SLC22A3: variants seen among roughly 807,000 people sequenced by gnomAD.
The protein encoded by SLC22A3 is solute carrier family 22 member 3.
In SLC22A3, 51 loss-of-function variants were observed where a neutral mutation model predicts 59.1. That is an observed-to-expected ratio of 0.86 (90% CI 0.69 to 1.09). The LOEUF is 1.09. Ranked by LOEUF, SLC22A3 falls within the 50% of genes least tolerant of loss-of-function variation. SLC22A3 has a pLI of 0.00. For missense variants in SLC22A3, 711 were observed against 726.3 expected (o/e 0.98, Z 0.24); for synonymous variants, 325 against 292.0 (o/e 1.11, Z -1.15).
chr6:160,407,223 A>G (rs1206544420), intron 3 of SLC22A3, 28 bp downstream of exon 3: 2 of 1,571,514 alleles, frequency 1.3e-6, no homozygotes, highest in Middle Eastern at 1.7e-4. Context: ...CATCTTCTCT[A>G]TTTGGAAACT....
At position 160,441,938 on chromosome 6, in the gene SLC22A3, T is replaced by A. The variant is rs143290205; in HGVS notation, c.1289-823T>A. ...TCAATTGCACAACTTCTAGGAAAGCTAGAGCAGTGACTTTTTAGAGTAAAA... is the reference window on the plus strand; with the variant it reads ...TCAATTGCACAACTTCTAGGAAAGCAAGAGCAGTGACTTTTTAGAGTAAAA... On this transcript the variant is annotated intron_variant, in intron 7 of 10. Coordinates refer to ENST00000275300, the MANE Select transcript of SLC22A3 (RefSeq NM_021977.4). Among the ~76,000 whole-genome samples, 1,046 of 152,316 alleles carry A rather than the reference T, an allele frequency of 6.9e-3. 16 individuals carry two copies. The highest frequency in any genetic ancestry group is 0.024 in the African/African-American group (1,009 of 41,578).
chr6:160,359,681 T>C (rs1719685401), intron 1 of SLC22A3, among the ~76,000 whole-genome samples: 1 of 152,234 alleles, frequency 6.6e-6, no homozygotes, highest in South Asian at 2.1e-4. Flanking sequence ...GCCTTCTGGA[T>C]TTGATACATC....
rs1309816125 is a variant in SLC22A3 at position 160,348,819 on chromosome 6, G to A, written c.400G>A (p.Ala134Thr). 1.3e-6 allele frequency: 2 copies of A among 1,581,748 alleles called. No homozygotes were observed. Among genetic ancestry groups the A allele is most frequent in the South Asian group, 1.1e-5 (1 of 87,946 alleles). ...GCCGTGCCGCGGCGGCTGGCGCTAC[G>A]CCCAGGCCCACTCCACCATCGTCAG... is the stretch of plus-strand genomic sequence containing the variant. ...LVPCRGGWRY[A>T]QAHSTIVSEF... The change falls in exon 1 of 11, where the codon GCC (alanine) becomes ACC (threonine). Residue 134 changes from alanine to threonine, a missense_variant. Coordinates refer to ENST00000275300, the MANE Select transcript of SLC22A3 (RefSeq NM_021977.4).
chr6:160,357,341 T>G (rs1784875985), intron 1 of SLC22A3, among the ~76,000 whole-genome samples: 1 of 152,158 alleles, frequency 6.6e-6, no homozygotes, highest in Non-Finnish European at 1.5e-5. Flanking sequence ...CTTTCCCAGT[T>G]GCTGCGTCCA....
At chr6:160,413,325 T>C (rs1164932121) in intron 5 of SLC22A3, among the ~76,000 whole-genome samples, 1 of 152,274 alleles carries the variant, frequency 6.6e-6, no homozygotes, top group Non-Finnish European at 1.5e-5. Flanking sequence ...GCTGTGCTTA[T>C]GAGAGATCAT....
At chr6:160,430,613 G>A in intron 5 of SLC22A3, among the ~76,000 whole-genome samples, 1 of 152,168 alleles carries the variant, frequency 6.6e-6, no homozygotes, top group East Asian at 1.9e-4. Context: ...TCAAAGAGAT[G>A]AATAGGGCAA....
chr6:160,361,720 T>C (rs1291830576), intron 1 of SLC22A3, among the ~76,000 whole-genome samples: 1 of 152,098 alleles, frequency 6.6e-6, no homozygotes, highest in African/African-American at 2.4e-5. Context: ...GGAAAAGAAA[T>C]TGCAATGTCT....
intron 1 of SLC22A3, among the ~76,000 whole-genome samples, chr6:160,363,451 G>C (rs1031531228): frequency 6.6e-6 from 1 of 152,190 alleles, no homozygotes; most frequent in Non-Finnish European, 1.5e-5. Context: ...TCACAAGAGC[G>C]GGGCCCTCCT....
At chr6:160,379,111 C>G (rs1785703699) in intron 1 of SLC22A3, among the ~76,000 whole-genome samples, 1 of 152,114 alleles carries the variant, frequency 6.6e-6, no homozygotes, top group South Asian at 2.1e-4. Flanking sequence ...GGAAGCAGCC[C>G]CAACAATTAC....
Position 160,407,162 on chromosome 6 carries a change from G to A in SLC22A3, c.655G>A (p.Gly219Arg). 1.9e-6 allele frequency: 3 copies of A among 1,611,776 alleles called. No individual in the cohort carries two copies. Among genetic ancestry groups the A allele is most frequent in the Non-Finnish European group, 2.5e-6 (3 of 1,178,792 alleles). ...CTTCCGCTTCCTGCAAGGTGTATTT[G>A]GAAAGGGGACGTGGATGACTTGCTA... ...VIFRFLQGVFGKGTWMTCYVI... is the reference protein window; with the variant it reads ...VIFRFLQGVFRKGTWMTCYVI... The change falls in exon 3 of 11, where the codon GGA becomes AGA. Residue 219 changes from glycine to arginine, a missense_variant. By Grantham distance (125) the Gly-to-Arg change is moderately radical (BLOSUM62 -2). Transcript: ENST00000275300.
intron 5 of SLC22A3, among the ~76,000 whole-genome samples, chr6:160,422,580 T>C (rs1787782649): frequency 6.6e-6 from 1 of 152,218 alleles, no homozygotes; most frequent in African/African-American, 2.4e-5. Context: ...AAGATGGTCC[T>C]GCTCTGTTTT....
At chr6:160,361,659 A>C (rs1163200256) in intron 1 of SLC22A3, among the ~76,000 whole-genome samples, 2 of 152,224 alleles carry the variant, frequency 1.3e-5, no homozygotes, top group Non-Finnish European at 2.9e-5. Flanking sequence ...AGGAAGGTAC[A>C]GAGAGATTAG....
intron 10 of SLC22A3, among the ~76,000 whole-genome samples, 192 bp from the exon 11 acceptor site, chr6:160,450,804 C>G (rs1788925376): frequency 1.8e-5 from 1 of 55,396 alleles, no homozygotes; most frequent in Non-Finnish European, 3.4e-5. Flanking sequence ...GGGTCCTTGA[C>G]TTCCTGCAAC....
intron 1 of SLC22A3, among the ~76,000 whole-genome samples, chr6:160,357,028 A>C (rs1401503590): frequency 6.6e-6 from 1 of 152,206 alleles, no homozygotes; most frequent in Non-Finnish European, 1.5e-5. Flanking sequence ...TGGGGCAGGC[A>C]TCCATCCCAC....
chr6:160,419,447 G>C (rs771881102), intron 5 of SLC22A3, among the ~76,000 whole-genome samples: 1 of 152,158 alleles, frequency 6.6e-6, no homozygotes, highest in Non-Finnish European at 1.5e-5. Context: ...TTTGTTAACT[G>C]TTGTGTTTAG....
chr6:160,399,145 G>A (rs760616253), intron 2 of SLC22A3, among the ~76,000 whole-genome samples: 3 of 151,564 alleles, frequency 2.0e-5, no homozygotes, highest in Admixed American at 6.6e-5. Context: ...TTTCTCTCTC[G>A]CCCTCTCCAC....
intron 5 of SLC22A3, among the ~76,000 whole-genome samples, chr6:160,433,698 C>G (rs1185054474): frequency 2.0e-5 from 3 of 151,910 alleles, no homozygotes; most frequent in Non-Finnish European, 2.9e-5. Context: ...CAGAGAGAGA[C>G]CCTATCTCAA....
chr6:160,350,357 A>G (rs1784619591), intron 1 of SLC22A3, among the ~76,000 whole-genome samples: 1 of 152,200 alleles, frequency 6.6e-6, no homozygotes, highest in African/African-American at 2.4e-5. Context: ...GCCAGGCAAT[A>G]CATATGTGTG....
At chr6:160,385,846 C>T (rs1283835667) in intron 1 of SLC22A3, among the ~76,000 whole-genome samples, 4 of 152,166 alleles carry the variant, frequency 2.6e-5, no homozygotes, top group African/African-American at 9.7e-5. Context: ...TGACCATTCT[C>T]TAGTTTCTAT....
Sources: allele counts gnomAD v4.1 joint callset (sites outside exome capture counted in the v4.1 genomes callset), GRCh38; gene constraint gnomAD v4.1.1; transcripts MANE v1.5; gene names NCBI Gene and HGNC (gene_info 2026-07-23, HGNC 2026-07-21).